UVRAG: variants seen among roughly 807,000 people sequenced by gnomAD.
UVRAG encodes the protein UV radiation resistance associated.
In UVRAG, 19 loss-of-function variants were observed where a neutral mutation model predicts 78.0. That is an observed-to-expected ratio of 0.24 (90% CI 0.17 to 0.36). UVRAG has a LOEUF of 0.36. UVRAG is among the 10% of genes least tolerant of loss of function. The pLI, the probability that UVRAG is intolerant of heterozygous loss-of-function variation, is 1.00. For missense variants in UVRAG, 740 were observed against 853.8 expected, an observed-to-expected ratio of 0.87 and a Z score of 1.66; for synonymous variants, 323 against 324.6, an observed-to-expected ratio of 1.00 and a Z score of 0.05.
intron 5 of UVRAG, among the ~76,000 whole-genome samples, chr11:75,906,889 C>T (rs1052265351): frequency 1.3e-5 from 2 of 152,082 alleles, no homozygotes; most frequent in African/African-American, 4.8e-5. Context: ...ATATGTCTGT[C>T]CTTATGCCAG....
In UVRAG at chr11:75,865,161, C is replaced by G. The variant is rs539826221; in HGVS notation, c.270+3381C>G. On this transcript the variant is annotated intron_variant, in intron 3 of 14. Coordinates refer to ENST00000356136, the MANE Select transcript of UVRAG (RefSeq NM_003369.4). ...AATTAGCTGGGCGTGGTGGCACATG[C>G]CTGTAATCTCAGCTACTCGGGAGGC... Among the ~76,000 whole-genome samples the G allele has an allele frequency of 2.0e-5, 3 of 152,080 alleles. No individual in the cohort carries two copies. In the East Asian group the frequency reaches 5.8e-4, roughly 29 times the overall value.
intron 14 of UVRAG, among the ~76,000 whole-genome samples, chr11:76,136,926 A>T (rs1952607379): frequency 6.6e-6 from 1 of 152,200 alleles, no homozygotes; most frequent in African/African-American, 2.4e-5. Context: ...TATAGTTAAC[A>T]TAGTTTTAGT....
chr11:75,961,409 A>T, intron 6 of UVRAG, 35 bp from the exon 7 acceptor site: 1 of 1,527,770 alleles, frequency 6.5e-7, no homozygotes, highest in Non-Finnish European at 8.8e-7. Flanking sequence ...TTTACTGTTA[A>T]CTCATTTACA....
intron 5 of UVRAG, among the ~76,000 whole-genome samples, chr11:75,894,324 A>G (rs1408549508): frequency 1.3e-5 from 2 of 152,132 alleles, no homozygotes; most frequent in East Asian, 3.9e-4. Context: ...GTATTTTACA[A>G]AAGTATCAGT....
chr11:76,078,861 G>A (rs1040579559), intron 13 of UVRAG, among the ~76,000 whole-genome samples: 5 of 151,642 alleles, frequency 3.3e-5, no homozygotes, highest in South Asian at 4.2e-4. Flanking sequence ...CCCAGGAGGC[G>A]GAGCTGGCAG....
intron 11 of UVRAG, among the ~76,000 whole-genome samples, chr11:76,012,215 A>G (rs915513727): frequency 2.6e-5 from 4 of 152,000 alleles, no homozygotes; most frequent in African/African-American, 9.7e-5. Context: ...GGAAATAAAT[A>G]TGATAACATG....
chr11:75,843,004 TG>T (rs561699891), intron 1 of UVRAG, among the ~76,000 whole-genome samples: 3 of 152,190 alleles, frequency 2.0e-5, no homozygotes, highest in South Asian at 4.2e-4. Flanking sequence ...CAAGGGAGGG[TG>T]AATGGGAGCC....
intron 4 of UVRAG, among the ~76,000 whole-genome samples, chr11:75,881,354 G>C (rs1414495398): frequency 6.6e-6 from 1 of 152,154 alleles, no homozygotes; most frequent in Non-Finnish European, 1.5e-5. Context: ...TGGAAAGGCA[G>C]GACAACTTGA....
At chr11:75,848,484 A>G (rs1180998228) in intron 1 of UVRAG, among the ~76,000 whole-genome samples, 2 of 152,232 alleles carry the variant, frequency 1.3e-5, no homozygotes, top group Non-Finnish European at 2.9e-5. Flanking sequence ...TGAAAATCAT[A>G]GAGTTTAGAA....
chr11:75,894,052 A>G (rs1159307798), intron 5 of UVRAG, among the ~76,000 whole-genome samples: 1 of 152,254 alleles, frequency 6.6e-6, no homozygotes, highest in Non-Finnish European at 1.5e-5. Context: ...TATAGTGTAT[A>G]AGAAAACAGC....
chr11:75,916,459 C>T (rs907977739), intron 6 of UVRAG: 2 of 152,234 alleles, frequency 1.3e-5, no homozygotes, highest in African/African-American at 4.8e-5. Flanking sequence ...ATATAGCTTT[C>T]TCCTCTAAGC....
At chr11:75,957,897 T>C (rs777750357) in intron 6 of UVRAG, among the ~76,000 whole-genome samples, 1 of 152,206 alleles carries the variant, frequency 6.6e-6, no homozygotes, top group Non-Finnish European at 1.5e-5. Context: ...AAAGCAAATA[T>C]TGCAATAAAG....
chr11:76,017,538 A>G (rs553006978), intron 12 of UVRAG, among the ~76,000 whole-genome samples: 1 of 152,322 alleles, frequency 6.6e-6, no homozygotes, highest in Middle Eastern at 3.4e-3. Flanking sequence ...ATGAAATTAC[A>G]AATTCAAGAA....
intron 6 of UVRAG, among the ~76,000 whole-genome samples, chr11:75,912,994 G>A (rs1015819394): frequency 6.6e-6 from 1 of 152,176 alleles, no homozygotes; most frequent in African/African-American, 2.4e-5. Flanking sequence ...CCTACACCTT[G>A]ACTGCTTAGG....
intron 7 of UVRAG, 124 bp downstream of exon 7, chr11:75,961,673 G>A (rs1348291993): frequency 9.5e-6 from 6 of 631,522 alleles, no homozygotes; most frequent in Non-Finnish European, 1.5e-5. Flanking sequence ...TCCACAGAGA[G>A]TTCTATTGGC....
At chr11:76,049,108 C>A (rs1397760457) in intron 12 of UVRAG, among the ~76,000 whole-genome samples, 1 of 152,158 alleles carries the variant, frequency 6.6e-6, no homozygotes, top group Non-Finnish European at 1.5e-5. Context: ...TAACACTAAC[C>A]CTGTGAAGGG....
intron 1 of UVRAG, among the ~76,000 whole-genome samples, chr11:75,848,563 A>T (rs1243220359): frequency 6.6e-6 from 1 of 152,212 alleles, no homozygotes; most frequent in Non-Finnish European, 1.5e-5. Context: ...GATCTCTTTG[A>T]TAATAATATC....
chr11:75,991,341 C>G (rs1322705098), intron 8 of UVRAG, among the ~76,000 whole-genome samples: 1 of 152,038 alleles, frequency 6.6e-6, no homozygotes, highest in Non-Finnish European at 1.5e-5. Flanking sequence ...CATATCTTAC[C>G]TTTTTTAAGA....
intron 13 of UVRAG, among the ~76,000 whole-genome samples, chr11:76,088,128 A>C (rs7103027): frequency 0.14 from 21,051 of 152,078 alleles, 3,771 homozygotes; most frequent in African/African-American, 0.42. Context: ...TCTCAAACTT[A>C]TGGGCTCAAG....
Sources: gnomAD v4.1 joint callset for allele counts (sites outside exome capture counted in the v4.1 genomes callset) on GRCh38, gnomAD v4.1.1 for gene constraint, MANE v1.5 for transcripts, NCBI Gene and HGNC (gene_info 2026-07-23, HGNC 2026-07-21) for gene names.